DLG2: variants seen among roughly 807,000 people sequenced by gnomAD.
DLG2 encodes the protein discs large MAGUK scaffold protein 2.
DLG2 carries 45 observed loss-of-function variants against 132.5 expected under a neutral mutation model. The ratio of observed to expected loss-of-function variants is 0.34; its 90% confidence interval spans 0.27 to 0.44. The LOEUF is 0.44. DLG2 is among the 20% of genes least tolerant of loss of function. DLG2 has a pLI of 1.00. For missense variants in DLG2, 1,045 were observed against 1,196.9 expected (o/e 0.87, Z 1.87); for synonymous variants, 424 against 419.6 (o/e 1.01, Z -0.13).
chr11:84,256,295 T>C (rs1222634067), intron 7 of DLG2, among the ~76,000 whole-genome samples: 2 of 152,208 alleles, frequency 1.3e-5, no homozygotes, highest in Non-Finnish European at 2.9e-5. Context: ...CAGGTGGTCA[T>C]GAAGCCAACT....
chr11:83,957,671 T>C (rs1434986586), intron 14 of DLG2, among the ~76,000 whole-genome samples: 2 of 152,094 alleles, frequency 1.3e-5, no homozygotes. Context: ...TGTGAAGTCC[T>C]ACTTCTGCTT....
At position 84,457,783 on chromosome 11, in the gene DLG2, T is replaced by C. The variant is rs1374263267; in HGVS notation, c.519+76787A>G. On this transcript the variant is annotated intron_variant, in intron 7 of 27. Transcript: ENST00000376104. ...TGTTAATTTTCCAAAGTTATATTTA[T>C]AATTAAATTCGTGCAAAATTGATTA... Among the ~76,000 whole-genome samples the C allele has an allele frequency of 2.0e-5, 3 of 151,022 alleles. No individual in the cohort carries two copies. The Admixed American group carries it at 2.0e-4, about 10-fold the overall frequency.
chr11:84,337,746 C>A (rs988963207), intron 7 of DLG2, among the ~76,000 whole-genome samples: 3 of 152,064 alleles, frequency 2.0e-5, no homozygotes, highest in African/African-American at 7.2e-5. Context: ...GGCTTGGGGG[C>A]AATTACCCTG....
At chr11:83,561,297 C>A (rs536067248) in intron 19 of DLG2, among the ~76,000 whole-genome samples, 1 of 152,178 alleles carries the variant, frequency 6.6e-6, no homozygotes, top group Admixed American at 6.5e-5. Context: ...ATATGAATAC[C>A]CCTTTTTTGT....
intron 15 of DLG2, among the ~76,000 whole-genome samples, chr11:83,906,603 GC>G (rs1268166195): frequency 2.6e-5 from 4 of 152,036 alleles, no homozygotes; most frequent in Admixed American, 2.0e-4. Context: ...TGTATCAAGT[GC>G]TTACTGTGTA....
intron 6 of DLG2, among the ~76,000 whole-genome samples, chr11:84,877,349 C>A (rs2086522225): frequency 6.6e-6 from 1 of 151,890 alleles, no homozygotes; most frequent in African/African-American, 2.4e-5. Context: ...TAAGAACTGA[C>A]TTATGAATCT....
At chr11:85,190,894 T>C (rs959154221) in intron 4 of DLG2, among the ~76,000 whole-genome samples, 3 of 152,198 alleles carry the variant, frequency 2.0e-5, no homozygotes, top group Non-Finnish European at 4.4e-5. Context: ...GGGACAATTA[T>C]ACACTTCTGG....
At chr11:84,098,073 T>G (rs2097191677) in intron 10 of DLG2, among the ~76,000 whole-genome samples, 1 of 141,700 alleles carries the variant, frequency 7.1e-6, no homozygotes, top group African/African-American at 2.7e-5. Flanking sequence ...TTTTGAGACA[T>G]GGACTCACTC....
chr11:85,234,357 G>A (rs1462368478), intron 4 of DLG2, among the ~76,000 whole-genome samples: 2 of 151,934 alleles, frequency 1.3e-5, no homozygotes, highest in African/African-American at 4.8e-5. Flanking sequence ...TCCTAGCATT[G>A]TTGGAAAGAT....
At chr11:85,590,432 C>A (rs1252810068) in intron 3 of DLG2, among the ~76,000 whole-genome samples, 2 of 152,028 alleles carry the variant, frequency 1.3e-5, no homozygotes, top group Non-Finnish European at 2.9e-5. Flanking sequence ...AAGTTTTTGA[C>A]CAAGTAATAA....
chr11:84,384,438 A>C (rs1022237220), intron 7 of DLG2, among the ~76,000 whole-genome samples: 6 of 152,196 alleles, frequency 3.9e-5, no homozygotes, highest in African/African-American at 1.4e-4. Flanking sequence ...TGTCGAAGAT[A>C]GTTGGGATAG....
intron 7 of DLG2, among the ~76,000 whole-genome samples, chr11:84,416,595 A>T (rs1364897077): frequency 6.6e-6 from 1 of 152,222 alleles, no homozygotes; most frequent in Non-Finnish European, 1.5e-5. Context: ...GTGGTTTGGG[A>T]TAAGACATTT....
Position 84,287,741 on chromosome 11 carries a change from G to GACACACACACACAC in DLG2, c.520-36464_520-36451dup, listed in dbSNP as rs373708341. On this transcript the variant is annotated intron_variant, in intron 7 of 27. Coordinates refer to ENST00000376104, the MANE Select transcript of DLG2 (RefSeq NM_001142699.3). ...TCCCTCCATATTTTTCTCTCTCTTA[G>GACACACACACACAC]ACACACACACACACACACACACACA... Among the ~76,000 whole-genome samples, 895 of 139,272 alleles carry GACACACACACACAC rather than the reference G, an allele frequency of 6.4e-3. 10 individuals carry two copies. Among genetic ancestry groups the GACACACACACACAC allele is most frequent in the Non-Finnish European group, 7.2e-3 (465 of 64,716 alleles). The allele number at this position is 139,272 out of a possible 152,430, so 91.4% of individuals were successfully genotyped here.
At chr11:83,604,686 G>A (rs879404347) in intron 19 of DLG2, among the ~76,000 whole-genome samples, 14 of 152,108 alleles carry the variant, frequency 9.2e-5, no homozygotes, top group African/African-American at 2.4e-4. Flanking sequence ...TTCATCAACC[G>A]TAACACATGT....
At chr11:84,673,978 C>T (rs555138950) in intron 6 of DLG2, among the ~76,000 whole-genome samples, 19 of 152,224 alleles carry the variant, frequency 1.2e-4, no homozygotes, top group African/African-American at 4.3e-4. Context: ...TTAACTTTGG[C>T]CTTAGGCCCA....
At chr11:85,440,815 T>C (rs2091740301) in intron 3 of DLG2, among the ~76,000 whole-genome samples, 1 of 152,130 alleles carries the variant, frequency 6.6e-6, no homozygotes, top group African/African-American at 2.4e-5. Flanking sequence ...TGGCAGAACT[T>C]ATAGGCTCTG....
At chr11:85,337,975 A>T (rs190593292) in intron 3 of DLG2, among the ~76,000 whole-genome samples, 6 of 152,362 alleles carry the variant, frequency 3.9e-5, no homozygotes. Context: ...AGAAATAATT[A>T]ATAAGGTGGA....
At chr11:84,341,326 T>C (rs1314619285) in intron 7 of DLG2, among the ~76,000 whole-genome samples, 2 of 152,136 alleles carry the variant, frequency 1.3e-5, no homozygotes, top group Non-Finnish European at 2.9e-5. Context: ...GTAGTTGTGG[T>C]TGTGAAATTC....
chr11:84,827,536 T>C (rs1160770709), intron 6 of DLG2, among the ~76,000 whole-genome samples: 1 of 151,352 alleles, frequency 6.6e-6, no homozygotes, highest in Non-Finnish European at 1.5e-5. Flanking sequence ...AGACTGGGTA[T>C]AGGAGATGAA....
Sources: allele counts gnomAD v4.1 joint callset (sites outside exome capture counted in the v4.1 genomes callset), GRCh38; gene constraint gnomAD v4.1.1; transcripts MANE v1.5; gene names NCBI Gene and HGNC (gene_info 2026-07-23, HGNC 2026-07-21).